Variants in CHD1L observed in about 807,000 individuals in gnomAD.
CHD1L encodes chromodomain helicase DNA binding protein 1 like.
A neutral mutation model predicts 115.9 loss-of-function variants in CHD1L; 118 were observed. That is an observed-to-expected ratio of 1.02 (90% confidence interval 0.88 to 1.19). CHD1L has a LOEUF of 1.19. Among genes scored for constraint, CHD1L ranks in the 50% most tolerant of loss-of-function variants. The probability of loss-of-function intolerance (pLI) is 0.00; values close to 1 mark genes in which losing one functional copy is unlikely to be tolerated. For synonymous variants in CHD1L, 411 were observed against 387.1 expected (o/e 1.06, Z -0.72); for missense variants, 1,179 against 1,065.3 (o/e 1.11, Z -1.49).
At chr1:147,295,364 G>C in intron 22 of CHD1L, 67 bp from the exon 23 acceptor site, 1 of 995,052 alleles carries the variant, frequency 1.0e-6, no homozygotes, top group South Asian at 1.3e-5. Context: ...AATTACTAGA[G>C]AACTAGTCGT....
chr1:147,285,518 C>T, intron 17 of CHD1L, 31 bp downstream of exon 17: 1 of 1,594,744 alleles, frequency 6.3e-7, no homozygotes, highest in Non-Finnish European at 8.5e-7. Flanking sequence ...CTGGCGGCCA[C>T]AGTTGAAGGA....
chr1:147,174,344 T>C, the CHD1L span: 3 of 152,204 alleles, frequency 2.0e-5, no homozygotes, highest in Admixed American at 6.5e-5. Context: ...AAACCTTGAC[T>C]TGTGTAGTAT....
intron 20 of CHD1L, 146 bp downstream of exon 20, chr1:147,291,698 A>G (rs931453347): frequency 3.0e-6 from 2 of 659,470 alleles, no homozygotes; most frequent in East Asian, 5.4e-5. Flanking sequence ...GGTAGCTTAA[A>G]CAACAGAAAT....
the CHD1L span, among the ~76,000 whole-genome samples, chr1:147,202,309 G>GTCT: frequency 3.2e-4 from 38 of 118,462 alleles, no homozygotes; most frequent in Non-Finnish European, 4.5e-4. Flanking sequence ...CTAAAAAGCA[G>GTCT]TTCTTTTTTT....
At position 147,290,654 on chromosome 1, in the gene CHD1L, AGTTTT is replaced by A. The variant is rs587705222; in HGVS notation, c.2321-822_2321-818del. On this transcript the variant is annotated intron_variant, in intron 19 of 22. Coordinates refer to ENST00000369258, the MANE Select transcript of CHD1L (RefSeq NM_004284.6). Reference sequence around the variant, plus strand: ...GGCCTTCCCTGGCTCTATTTGTCAGAGTTTTGTTTTATTTTTTGAGATAGGGTCTC... The same window carrying A: ...GGCCTTCCCTGGCTCTATTTGTCAGAGTTTTATTTTTTGAGATAGGGTCTC... 2.7e-3 allele frequency among the ~76,000 whole-genome samples: 404 copies of A among 151,668 alleles called. 1 individual carries two copies. The highest frequency in any genetic ancestry group is 4.6e-3 in the Non-Finnish European group (314 of 67,866).
the CHD1L span, chr1:147,214,646 T>C: frequency 6.6e-6 from 1 of 152,100 alleles, no homozygotes; most frequent in African/African-American, 2.4e-5. Flanking sequence ...TTTATCTTCT[T>C]TAAGAAAACT....
rs781885793 is a variant in CHD1L, at chr1:147,285,311, G to T, written c.1855-13G>T. The T allele has an allele frequency of 6.2e-7, 1 of 1,606,066 alleles. No individual in the cohort carries two copies. The highest frequency in any genetic ancestry group is 8.5e-7 in the Non-Finnish European group (1 of 1,177,532). ...CTTCTTGACCCTGGTGATGGATCTT[G>T]TTCTTCCTCTAGGTTCTCATCCCAG... is the stretch of plus-strand genomic sequence containing the variant. On this transcript the variant is annotated splice_polypyrimidine_tract_variant and intron_variant, in intron 16 of 22. Coordinates refer to ENST00000369258, the MANE Select transcript of CHD1L (RefSeq NM_004284.6).
the CHD1L span, among the ~76,000 whole-genome samples, chr1:147,235,702 G>T: frequency 6.6e-6 from 1 of 152,170 alleles, no homozygotes; most frequent in African/African-American, 2.4e-5. Context: ...ATCAGAGGAA[G>T]AAGAAGGTCA....
At chr1:147,262,774 T>C (rs1035544606) in intron 6 of CHD1L, among the ~76,000 whole-genome samples, 1 of 152,042 alleles carries the variant, frequency 6.6e-6, no homozygotes. Flanking sequence ...GATTGTGTTA[T>C]TCATTTATCA....
intron 18 of CHD1L, 137 bp downstream of exon 18, chr1:147,286,637 C>G: frequency 1.3e-6 from 1 of 745,700 alleles, no homozygotes; most frequent in Non-Finnish European, 2.2e-6. Flanking sequence ...ATTTTAGAGT[C>G]AGGAGATATT....
upstream of CHD1L, among the ~76,000 whole-genome samples, chr1:147,240,652 T>C (rs371523839): frequency 3.3e-5 from 5 of 152,116 alleles, no homozygotes; most frequent in Non-Finnish European, 7.4e-5. Flanking sequence ...TATATTCCAT[T>C]GACTGAGATA....
chr1:147,242,741 C>A lies in CHD1L; in HGVS notation c.38C>A (p.Ala13Asp), dbSNP rs782133558. The part of the protein sequence containing the change: ...RAGATSRGGQ[A>D]PGFLLRLHTE... ...GGCGCTACTAGCCGCGGGGGCCAAG[C>A]CCCTGGCTTCTTACTGCGGCTTCAT... The change falls in exon 1 of 23, where the codon GCC becomes GAC. Residue 13 changes from alanine (A) to aspartate (D), a missense_variant. Physicochemically the swap from Ala to Asp is moderately radical, Grantham distance 126. Coordinates refer to ENST00000369258, the MANE Select transcript of CHD1L (RefSeq NM_004284.6). 1 of 1,262,422 alleles carries A rather than the reference C, an allele frequency of 7.9e-7. No individual in the cohort carries two copies. Among genetic ancestry groups the A allele is most frequent in the Admixed American group, 3.9e-5 (1 of 25,688 alleles). The allele number at this position is 1,262,422 out of a possible 1,614,324, so 78.2% of individuals were successfully genotyped here.
chr1:147,197,850 C>G, the CHD1L span, among the ~76,000 whole-genome samples: 1 of 152,144 alleles, frequency 6.6e-6, no homozygotes, highest in Admixed American at 6.5e-5. Flanking sequence ...ATTTGCTTCT[C>G]CAGCCCCTAG....
At chr1:147,235,713 T>C in the CHD1L span, among the ~76,000 whole-genome samples, 1 of 152,186 alleles carries the variant, frequency 6.6e-6, no homozygotes, top group Non-Finnish European at 1.5e-5. Flanking sequence ...AAGAAGGTCA[T>C]AGAGAGTTCT....
At chr1:147,254,646 C>G (rs1553938693) in intron 2 of CHD1L, among the ~76,000 whole-genome samples, 1 of 152,184 alleles carries the variant, frequency 6.6e-6, no homozygotes, top group Non-Finnish European at 1.5e-5. Flanking sequence ...TTGTTAACTA[C>G]TGAAGTAATT....
At chr1:147,275,034 C>G (rs1448752426) in intron 12 of CHD1L, among the ~76,000 whole-genome samples, 1 of 152,174 alleles carries the variant, frequency 6.6e-6, no homozygotes, top group African/African-American at 2.4e-5. Flanking sequence ...TAATCAAAAT[C>G]TAATCAAGGT....
At chr1:147,268,456 T>C (rs1404159990) in intron 9 of CHD1L, among the ~76,000 whole-genome samples, 2 of 152,146 alleles carry the variant, frequency 1.3e-5, no homozygotes, top group Admixed American at 1.3e-4. Context: ...TGGGAACACA[T>C]AGGTTTTGAA....
intron 12 of CHD1L, 54 bp downstream of exon 12, chr1:147,272,335 A>G (rs1184155736): frequency 1.7e-6 from 2 of 1,208,224 alleles, no homozygotes; most frequent in Non-Finnish European, 2.5e-6. Flanking sequence ...ATAGAGTACT[A>G]TTACATCCCA....
At chr1:147,198,055 T>C in the CHD1L span, among the ~76,000 whole-genome samples, 3 of 152,166 alleles carry the variant, frequency 2.0e-5, no homozygotes, top group African/African-American at 4.8e-5. Flanking sequence ...TGTGTAATCC[T>C]GACTTGCTCC....
Sources: gnomAD v4.1 joint callset for allele counts (sites outside exome capture counted in the v4.1 genomes callset) on GRCh38, gnomAD v4.1.1 for gene constraint, MANE v1.5 for transcripts, NCBI Gene and HGNC (gene_info 2026-07-23, HGNC 2026-07-21) for gene names.